The following CBR4 variants were observed in gnomAD, a reference collection of about 807,000 sequenced individuals.
CBR4 encodes the protein 3-oxoacyl-[acyl-carrier-protein] reductase.
CBR4 carries 22 observed loss-of-function variants against 21.0 expected under a neutral mutation model. That is an observed-to-expected ratio of 1.05 (90% CI 0.75 to 1.50). The LOEUF is 1.50. CBR4 is among the 40% of genes most tolerant of loss of function. The probability of loss-of-function intolerance (pLI) is 0.00; values close to 1 mark genes in which losing one functional copy is unlikely to be tolerated. For synonymous variants in CBR4, 100 were observed against 104.4 expected, an observed-to-expected ratio of 0.96 and a Z score of 0.26; for missense variants, 302 against 286.3, an observed-to-expected ratio of 1.05 and a Z score of -0.40.
chr4:168,999,014 T>C (rs916015196), intron 4 of CBR4, among the ~76,000 whole-genome samples: 5 of 152,182 alleles, frequency 3.3e-5, no homozygotes, highest in African/African-American at 1.2e-4. Flanking sequence ...TTTAAGGTAA[T>C]ACAGCCATTA....
chr4:168,902,854 C>G (rs1756836073), intron 2 of CBR4, among the ~76,000 whole-genome samples: 1 of 152,186 alleles, frequency 6.6e-6, no homozygotes, highest in Admixed American at 6.5e-5. Flanking sequence ...TCACTACAGC[C>G]TCAACCTCCT....
At chr4:168,986,716 G>A (rs1336897438), downstream of CBR4, among the ~76,000 whole-genome samples, 1 of 152,148 alleles carries the variant, frequency 6.6e-6, no homozygotes, top group Non-Finnish European at 1.5e-5. Context: ...GCCAAGGCAG[G>A]AGGACCACTT....
intron 1 of CBR4, among the ~76,000 whole-genome samples, chr4:169,008,330 A>G (rs1731097820): frequency 6.6e-6 from 1 of 152,146 alleles, no homozygotes; most frequent in African/African-American, 2.4e-5. Flanking sequence ...GGAAAAAAAC[A>G]CTTTTTACTA....
At chr4:168,936,393 C>T (rs1763112696) in intron 2 of CBR4, among the ~76,000 whole-genome samples, 1 of 152,156 alleles carries the variant, frequency 6.6e-6, no homozygotes, top group Admixed American at 6.5e-5. Flanking sequence ...AGGATCACAA[C>T]TCCTCACCAG....
chr4:168,955,485 T>A (rs1291333969), intron 2 of CBR4, among the ~76,000 whole-genome samples: 1 of 152,202 alleles, frequency 6.6e-6, no homozygotes, highest in African/African-American at 2.4e-5. Flanking sequence ...CTATGGATAG[T>A]AGACACTCTT....
chr4:168,927,844 C>T lies in CBR4; in HGVS notation n.170-33079G>A, dbSNP rs1418192282. 2.8e-5 allele frequency: 6 copies of T among 213,332 alleles called. No individual in the cohort carries two copies. In the East Asian group the frequency reaches 4.2e-4, roughly 15 times the overall value. The allele number at this position is 213,332 out of a possible 1,614,324, so 13.2% of individuals were successfully genotyped here. On this transcript the variant is annotated intron_variant and non_coding_transcript_variant, in intron 2 of 3. Coordinates refer to the CBR4 transcript ENST00000509108. ...AATAATTTGACCTAGTAGTATAAAACATGAGGCTTTAATGGTACTTTGCTA... is the reference window on the plus strand; with the variant it reads ...AATAATTTGACCTAGTAGTATAAAATATGAGGCTTTAATGGTACTTTGCTA...
At position 168,989,265 on chromosome 4, in the gene CBR4, G is replaced by C. The variant is rs1165462484; in HGVS notation, c.*885C>G. 2 of 984,308 alleles carry C rather than the reference G, an allele frequency of 2.0e-6. No individual in the cohort carries two copies. Among genetic ancestry groups the C allele is most frequent in the Non-Finnish European group, 1.2e-6 (1 of 829,166 alleles). The allele number at this position is 984,308 out of a possible 1,614,324, so 61.0% of individuals were successfully genotyped here. ...AAATATTAATAGTTCACTATTCTAAGTTTTTCATGAATAAAAAACACATCC... is the reference window on the plus strand; with the variant it reads ...AAATATTAATAGTTCACTATTCTAACTTTTTCATGAATAAAAAACACATCC... On this transcript the variant is annotated 3_prime_UTR_variant, in exon 5 of 5. Transcript: ENST00000306193.
intron 2 of CBR4, among the ~76,000 whole-genome samples, chr4:168,908,159 G>A (rs1758197524): frequency 1.3e-5 from 2 of 152,178 alleles, no homozygotes; most frequent in Admixed American, 1.3e-4. Flanking sequence ...TTAATTCCAA[G>A]AGTAAAACCC....
At chr4:168,927,729 G>A (rs1762736505) in intron 2 of CBR4, 1 of 222,746 alleles carries the variant, frequency 4.5e-6, no homozygotes, top group Non-Finnish European at 9.0e-6. Context: ...CTTTTTGAAT[G>A]CATATGATTT....
intron 2 of CBR4, chr4:168,924,232 G>A (rs777000772): frequency 2.1e-5 from 34 of 1,606,606 alleles, no homozygotes; most frequent in Non-Finnish European, 2.8e-5. Context: ...CATTGATAGA[G>A]AATTCATCTC....
intron 4 of CBR4, among the ~76,000 whole-genome samples, chr4:169,000,082 A>C (rs939751745): frequency 6.6e-6 from 1 of 152,190 alleles, no homozygotes; most frequent in African/African-American, 2.4e-5. Flanking sequence ...ACTAAAATTA[A>C]CCCTTCATTA....
At chr4:168,936,637 T>C (rs578249736) in intron 2 of CBR4, among the ~76,000 whole-genome samples, 70 of 152,206 alleles carry the variant, frequency 4.6e-4, no homozygotes, top group Non-Finnish European at 8.1e-4. Flanking sequence ...TCGTGAAGTA[T>C]ACAAAAGTAT....
chr4:169,010,000 C>G lies in CBR4; in HGVS notation c.90G>C (p.Ala30=). The G allele has an allele frequency of 6.2e-7, 1 of 1,613,554 alleles. No individual in the cohort carries two copies. The highest frequency in any genetic ancestry group is 8.5e-7 in the Non-Finnish European group (1 of 1,179,862). The change falls in exon 1 of 5, where the codon GCG becomes GCC. Residue 30 remains alanine (A), a synonymous_variant. Transcript: ENST00000306193. ...QLMARKGYRL[A]VIARNLEGAK... ...CCCCTTCCAGGTTTCTGGCAATGAC[C>G]GCCAGTCGGTAGCCTTTCCGGGCCA...
In CBR4 at chr4:168,938,729, G is replaced by A. The variant is rs576932350; in HGVS notation, n.170-43964C>T. On this transcript the variant is annotated intron_variant and non_coding_transcript_variant, in intron 2 of 3. Transcript: ENST00000509108. ...ATCTAGAAGAAATGGATAAATTCCT[G>A]GACACATAAACCCTCCCAAGACTAA... Among the ~76,000 whole-genome samples, 13 of 152,162 alleles carry A rather than the reference G, an allele frequency of 8.5e-5. 1 individual carries two copies. Among genetic ancestry groups the A allele is most frequent in the African/African-American group, 3.1e-4 (13 of 41,534 alleles).
intron 2 of CBR4, chr4:168,926,295 G>C: frequency 6.5e-7 from 1 of 1,537,260 alleles, no homozygotes; most frequent in Non-Finnish European, 8.7e-7. Flanking sequence ...TTTCGGACCA[G>C]GGACTAGACA....
chr4:168,925,930 A>G (rs1762498495), intron 2 of CBR4, among the ~76,000 whole-genome samples: 1 of 149,640 alleles, frequency 6.7e-6, no homozygotes, highest in African/African-American at 2.5e-5. Flanking sequence ...CTTATCAGCT[A>G]TTCCAAAGGA....
At chr4:168,952,314 C>T (rs1044889523) in intron 2 of CBR4, among the ~76,000 whole-genome samples, 1 of 151,982 alleles carries the variant, frequency 6.6e-6, no homozygotes, top group African/African-American at 2.4e-5. Context: ...TTTCTCCCTT[C>T]ACTTCTTGTA....
intron 2 of CBR4, among the ~76,000 whole-genome samples, chr4:168,949,803 G>A (rs1164818538): frequency 6.6e-6 from 1 of 152,028 alleles, no homozygotes; most frequent in Non-Finnish European, 1.5e-5. Context: ...CTTGTTATTG[G>A]TCTGTTCAGG....
downstream of CBR4, among the ~76,000 whole-genome samples, chr4:168,983,105 C>T (rs1274675597): frequency 6.6e-6 from 1 of 152,080 alleles, no homozygotes; most frequent in African/African-American, 2.4e-5. Flanking sequence ...AAAAACCATA[C>T]AAAAGATTAA....
Sources: allele counts gnomAD v4.1 joint callset (sites outside exome capture counted in the v4.1 genomes callset), GRCh38; gene constraint gnomAD v4.1.1; transcripts MANE v1.5; gene names NCBI Gene and HGNC (gene_info 2026-07-23, HGNC 2026-07-21).